Variants in TBXAS1 observed in about 807,000 individuals in gnomAD.
TBXAS1 encodes the protein thromboxane A synthase 1, also known as thromboxane-A synthase.
In TBXAS1, 48 loss-of-function variants were observed where a neutral mutation model predicts 60.7. The ratio of observed to expected loss-of-function variants is 0.79; its 90% CI spans 0.63 to 1.01. The LOEUF is 1.01. Among genes scored for constraint, TBXAS1 ranks in the 50% least tolerant of loss-of-function variants. The pLI, the probability that TBXAS1 is intolerant of heterozygous loss-of-function variation, is 0.00. For synonymous variants in TBXAS1, 287 were observed against 269.7 expected, an observed-to-expected ratio of 1.06 and a Z score of -0.63; for missense variants, 685 against 686.3, an observed-to-expected ratio of 1.00 and a Z score of 0.02.
chr7:139,829,134 T>C, upstream of TBXAS1: 4 of 605,910 alleles, frequency 6.6e-6, no homozygotes, highest in East Asian at 3.5e-5. Flanking sequence ...TATAAATGTT[T>C]ATTGACAGTG....
At chr7:139,811,123 T>C (rs1285623481) in intron 4 of TBXAS1, among the ~76,000 whole-genome samples, 1 of 152,248 alleles carries the variant, frequency 6.6e-6, no homozygotes. Flanking sequence ...AAATAGCTTA[T>C]TTTTTGACTG....
intron 4 of TBXAS1, among the ~76,000 whole-genome samples, chr7:139,915,507 T>C (rs1348183787): frequency 6.6e-6 from 1 of 152,230 alleles, no homozygotes; most frequent in African/African-American, 2.4e-5. Flanking sequence ...GGAATTTAAA[T>C]AATGCATGCT....
intron 4 of TBXAS1, among the ~76,000 whole-genome samples, chr7:139,809,210 AGATAGATAGATAGATAGATAGAT>A (rs1233375324): frequency 1.3e-4 from 17 of 127,726 alleles, no homozygotes; most frequent in East Asian, 6.3e-4. Flanking sequence ...ATAGATAGAT[AGATAGATAGATAGATAGATAGAT>A]GATAGATAGA....
At chr7:139,803,087 T>A (rs1189235587) in intron 4 of TBXAS1, among the ~76,000 whole-genome samples, 1 of 152,212 alleles carries the variant, frequency 6.6e-6, no homozygotes, top group East Asian at 1.9e-4. Context: ...TGGAAGTGAC[T>A]TTGGAACTGG....
chr7:139,789,238 C>CTCTT (rs968147519), intron 4 of TBXAS1: 7 of 151,668 alleles, frequency 4.6e-5, no homozygotes, highest in African/African-American at 7.3e-5. Flanking sequence ...CTCTCTCTCT[C>CTCTT]TCTTTCTTTC....
At chr7:139,857,003 G>A (rs1204493499) in intron 1 of TBXAS1, among the ~76,000 whole-genome samples, 3 of 152,164 alleles carry the variant, frequency 2.0e-5, no homozygotes, top group Non-Finnish European at 4.4e-5. Flanking sequence ...GGTAGAAGGA[G>A]TGTGTCTGAC....
intron 9 of TBXAS1, among the ~76,000 whole-genome samples, chr7:139,980,632 G>A (rs193950): frequency 0.95 from 143,560 of 151,482 alleles, 68,121 homozygotes; most frequent in African/African-American, 0.98. Context: ...TCCTCCCCTC[G>A]TTTCCTCCCC....
At chr7:139,892,544 G>A (rs1780825593) in intron 3 of TBXAS1, among the ~76,000 whole-genome samples, 1 of 152,184 alleles carries the variant, frequency 6.6e-6, no homozygotes, top group African/African-American at 2.4e-5. Flanking sequence ...AGTGAGCTGA[G>A]ATCATGCCAC....
At chr7:139,838,752 A>T (rs1361615308) in intron 1 of TBXAS1, among the ~76,000 whole-genome samples, 1 of 152,180 alleles carries the variant, frequency 6.6e-6, no homozygotes, top group Admixed American at 6.5e-5. Flanking sequence ...TTTTTCCATG[A>T]TGATCATTTG....
At chr7:139,905,031 CTTTCTTTCTTTCTT>C (rs1569511423) in intron 3 of TBXAS1, among the ~76,000 whole-genome samples, 3 of 84,900 alleles carry the variant, frequency 3.5e-5, no homozygotes, top group African/African-American at 1.8e-4. Context: ...TTCTTTCTTT[CTTTCTTTCTTTCTT>C]TCTTTCTTTC....
At chr7:139,881,466 A>C (rs1216759398) in intron 3 of TBXAS1, among the ~76,000 whole-genome samples, 1 of 151,334 alleles carries the variant, frequency 6.6e-6, no homozygotes, top group Non-Finnish European at 1.5e-5. Flanking sequence ...CCCCCCCTCC[A>C]GGAGGGTAGA....
At chr7:139,837,687 A>G (rs1234543356) in intron 1 of TBXAS1, among the ~76,000 whole-genome samples, 1 of 152,220 alleles carries the variant, frequency 6.6e-6, no homozygotes, top group African/African-American at 2.4e-5. Context: ...GGCAAGGGAT[A>G]AAAGATTGCA....
At chr7:139,923,584 C>T (rs553516098) in intron 4 of TBXAS1, among the ~76,000 whole-genome samples, 1 of 151,836 alleles carries the variant, frequency 6.6e-6, no homozygotes, top group South Asian at 2.1e-4. Flanking sequence ...AATGGGGAAT[C>T]CACCATCTCA....
rs13306053 is a variant in TBXAS1, at chr7:139,957,511, G to A, written c.689-123G>A. 3.9e-6 allele frequency: 5 copies of A among 1,270,574 alleles called. No homozygotes were observed. The East Asian group carries it at 9.4e-5, about 24-fold the overall frequency. 78.7% of individuals were successfully genotyped at this position (1,270,574 alleles called of 1,614,324 possible). On this transcript the variant is annotated intron_variant, in intron 7 of 12. Coordinates refer to ENST00000448866, the MANE Select transcript of TBXAS1 (RefSeq NM_001061.7). ...CTCTCAGAAGCAGCAGTGCGGCGGG[G>A]AGGGCAGGACTCCAAAACGGCTCCG...
At chr7:139,967,854 GT>G (rs1196016395) in intron 9 of TBXAS1, among the ~76,000 whole-genome samples, 6 of 152,142 alleles carry the variant, frequency 3.9e-5, no homozygotes. Context: ...TCAATTTCCT[GT>G]TATGTGATCA....
intron 1 of TBXAS1, among the ~76,000 whole-genome samples, chr7:139,861,049 C>T (rs1054009381): frequency 4.6e-5 from 7 of 152,030 alleles, no homozygotes; most frequent in African/African-American, 1.7e-4. Flanking sequence ...TGGCACATGC[C>T]TGTAATCCCA....
intron 12 of TBXAS1, 53 bp downstream of exon 12, chr7:140,017,886 C>A: frequency 6.2e-7 from 1 of 1,612,982 alleles, no homozygotes; most frequent in Non-Finnish European, 8.5e-7. Flanking sequence ...GGAGGGCCAC[C>A]CCAGTTCTCT....
chr7:139,894,883 C>T (rs1219888864), intron 3 of TBXAS1, among the ~76,000 whole-genome samples: 1 of 152,152 alleles, frequency 6.6e-6, no homozygotes, highest in Non-Finnish European at 1.5e-5. Flanking sequence ...ACTACCCATC[C>T]CCTCCAGAAA....
chr7:139,929,044 C>G (rs17161263), intron 4 of TBXAS1, among the ~76,000 whole-genome samples: 13,183 of 152,172 alleles, frequency 0.087, 1,299 homozygotes, highest in African/African-American at 0.24. Flanking sequence ...AGAAGGACCA[C>G]ACCCTAGAGA....
Sources: gnomAD v4.1 joint callset for allele counts (sites outside exome capture counted in the v4.1 genomes callset) on GRCh38, gnomAD v4.1.1 for gene constraint, MANE v1.5 for transcripts, NCBI Gene and HGNC (gene_info 2026-07-23, HGNC 2026-07-21) for gene names.